Variants in RNF148 observed in about 807,000 individuals in gnomAD.
RNF148 encodes ring finger protein 148.
RNF148 carries 16 observed loss-of-function variants against 21.1 expected under a neutral mutation model. The ratio of observed to expected loss-of-function variants is 0.76; its 90% confidence interval spans 0.51 to 1.15. RNF148 has a LOEUF of 1.15. Among genes scored for constraint, RNF148 ranks in the 50% most tolerant of loss-of-function variants. RNF148 has a pLI of 0.00. For synonymous variants in RNF148, 150 were observed against 136.4 expected (o/e 1.10, Z -0.69); for missense variants, 424 against 374.2 (o/e 1.13, Z -1.10).
Position 122,702,424 on chromosome 7 carries a change from G to T in RNF148, c.327C>A (p.Gly109=). The part of the protein sequence containing the change: ...DSWLALIERG[G]CTFTHKINVA... ...CGTTGATTTTATGTGTAAAAGTACA[G>T]CCTCCACGTTCGATGAGGGCCAGCC... The change falls in exon 1 of 1, where the codon GGC becomes GGA. Residue 109 remains glycine, a synonymous_variant. Coordinates refer to ENST00000434824, the MANE Select transcript of RNF148 (RefSeq NM_198085.2). The T allele has an allele frequency of 6.2e-7, 1 of 1,613,730 alleles. No individual in the cohort carries two copies. The highest frequency in any genetic ancestry group is 1.1e-5 in the South Asian group (1 of 91,084).
Position 122,702,015 on chromosome 7 carries a change from CTTT to C in RNF148, c.733_735del (p.Lys245del). On this transcript the variant is annotated inframe_deletion, in exon 1 of 1. Coordinates refer to ENST00000434824, the MANE Select transcript of RNF148 (RefSeq NM_198085.2). ...TTTAGGTCTAATTCCTCATCCCCTT[CTTT>C]GAGAACTCGCAGTTGAAGCTGGTCA... 2 of 1,613,716 alleles carry C rather than the reference CTTT, an allele frequency of 1.2e-6. No homozygotes were observed. Among genetic ancestry groups the C allele is most frequent in the African/African-American group, 1.3e-5 (1 of 75,032 alleles).
Position 122,702,374 on chromosome 7 carries a change from C to G in RNF148, c.377G>C (p.Gly126Ala). 3 of 1,613,810 alleles carry G rather than the reference C, an allele frequency of 1.9e-6. No individual in the cohort carries two copies. The highest frequency in any genetic ancestry group is 2.5e-6 in the Non-Finnish European group (3 of 1,179,782). The change falls in exon 1 of 1, where the codon GGG becomes GCG. Residue 126 changes from glycine (G) to alanine (A), a missense_variant. Coordinates refer to ENST00000434824, the MANE Select transcript of RNF148 (RefSeq NM_198085.2). ...ACCTTGATAGTTGTAGATGATCACC[C>G]CATTTGCTCCCTTCTCTGCTGCCAC... ...INVAAEKGAN[G>A]VIIYNYQGTG... is the part of the protein sequence containing the mutation.
chr7:122,702,789 A>G lies in RNF148; in HGVS notation c.-39T>C, dbSNP rs2086375781. The G allele has an allele frequency of 7.0e-7, 1 of 1,423,000 alleles. No homozygotes were observed. The highest frequency in any genetic ancestry group is 9.5e-7 in the Non-Finnish European group (1 of 1,048,926). The allele number at this position is 1,423,000 out of a possible 1,614,324, so 88.1% of individuals were successfully genotyped here. ...TATTAAGAGACAAACATGAGAAAAC[A>G]AAACAACATCAGTTGTAGAAGAACA... On this transcript the variant is annotated 5_prime_UTR_variant, in exon 1 of 1. Coordinates refer to ENST00000434824, the MANE Select transcript of RNF148 (RefSeq NM_198085.2).
rs748795665 is a variant in RNF148 at position 122,701,843 on chromosome 7, A to C, written c.908T>G (p.Leu303Arg). The stretch of plus-strand genomic sequence containing the variant: ...AATTCTCCAGATTTCTTAAGTTTTC[A>C]GGATGTCACACTTGCACATGGGACA... ...RTCPMCKCDI[L>R]KT The change falls in exon 1 of 1, where the codon CTG becomes CGG. Residue 303 changes from leucine (L) to arginine (R), a missense_variant. Physicochemically the swap from Leu to Arg is moderately radical, Grantham distance 102. Transcript: ENST00000434824. 6.3e-7 allele frequency: 1 copy of C among 1,580,076 alleles called. No individual in the cohort carries two copies.
rs768729068 is a variant in RNF148 at position 122,702,780 on chromosome 7, T to G, written c.-30A>C. 2.7e-6 allele frequency: 4 copies of G among 1,485,204 alleles called. No homozygotes were observed. 92.0% of individuals were successfully genotyped at this position (1,485,204 alleles called of 1,614,324 possible). ...CCATTTGTCTATTAAGAGACAAACATGAGAAAACAAAACAACATCAGTTGT... is the reference window on the plus strand; with the variant it reads ...CCATTTGTCTATTAAGAGACAAACAGGAGAAAACAAAACAACATCAGTTGT... On this transcript the variant is annotated 5_prime_UTR_variant, in exon 1 of 1. The change abolishes an upstream ATG in the 5' untranslated region. Transcript: ENST00000434824.
Position 122,702,601 on chromosome 7 carries a change from A to G in RNF148, c.150T>C (p.Asn50=), listed in dbSNP as rs759880284. ...AHLNITFQVG[N]EITSELGESG... ...TCTCTCCTAATTCCGATGTGATCTCATTTCCAACCTGAAATGTTATATTCA... is the reference window on the plus strand; with the variant it reads ...TCTCTCCTAATTCCGATGTGATCTCGTTTCCAACCTGAAATGTTATATTCA... Residue 50 remains asparagine (N), a synonymous_variant, in exon 1 of 1, where the codon AAT becomes AAC. Coordinates refer to ENST00000434824, the MANE Select transcript of RNF148 (RefSeq NM_198085.2). The G allele has an allele frequency of 6.2e-7, 1 of 1,606,790 alleles. No individual in the cohort carries two copies. The highest frequency in any genetic ancestry group is 8.5e-7 in the Non-Finnish European group (1 of 1,173,534).
Position 122,702,502 on chromosome 7 carries a change from C to G in RNF148, c.249G>C (p.Gln83His). 1.2e-6 allele frequency: 2 copies of G among 1,613,654 alleles called. No homozygotes were observed. ...AATTGGTCAAAGGATGACAGGCATT[C>G]TGATTCCATCCTTCAGGAAGTGCCA... ...GVVALPEGWN[Q>H]NACHPLTNFS... is the part of the protein sequence containing the mutation. The change falls in exon 1 of 1, where the codon CAG (glutamine) becomes CAC (histidine). Residue 83 changes from glutamine to histidine, a missense_variant. Coordinates refer to ENST00000434824, the MANE Select transcript of RNF148 (RefSeq NM_198085.2).
At position 122,701,712 on chromosome 7, in the gene RNF148, T is replaced by C; in HGVS notation, c.*121A>G. The C allele has an allele frequency of 1.7e-6, 1 of 573,476 alleles. No individual in the cohort carries two copies. The highest frequency in any genetic ancestry group is 3.2e-5 in the South Asian group (1 of 31,284). The allele number at this position is 573,476 out of a possible 1,614,324, so 35.5% of individuals were successfully genotyped here. A position where few individuals can be genotyped will look rare whatever the true frequency, so the allele number is the denominator to read the frequency against. On this transcript the variant is annotated 3_prime_UTR_variant, in exon 1 of 1. Coordinates refer to ENST00000434824, the MANE Select transcript of RNF148 (RefSeq NM_198085.2). ...TATTTTTAAAACACAAATTTCACCC[T>C]TGTTCATACTTGGGTAGAGAAGCTG...
At position 122,701,747 on chromosome 7, in the gene RNF148, C is replaced by G; in HGVS notation, c.*86G>C. On this transcript the variant is annotated 3_prime_UTR_variant, in exon 1 of 1. Coordinates refer to ENST00000434824, the MANE Select transcript of RNF148 (RefSeq NM_198085.2). ...TTGGGTAGAGAAGCTGAAATTTTCT[C>G]TCTACATAAAGTACAATAAGACAAT... is the stretch of plus-strand genomic sequence containing the variant. 2 of 915,660 alleles carry G rather than the reference C, an allele frequency of 2.2e-6. No homozygotes were observed. The highest frequency in any genetic ancestry group is 3.3e-6 in the Non-Finnish European group (2 of 609,460). 56.7% of individuals were successfully genotyped at this position (915,660 alleles called of 1,614,324 possible). A position where few individuals can be genotyped will look rare whatever the true frequency, so the allele number is the denominator to read the frequency against.
rs2086396717 is a variant in RNF148, at chr7:122,702,888, C to A, written c.-138G>T. The A allele has an allele frequency of 4.8e-6, 3 of 621,708 alleles. No homozygotes were observed. The Admixed American group carries it at 9.3e-5, about 19-fold the overall frequency. 38.5% of individuals were successfully genotyped at this position (621,708 alleles called of 1,614,324 possible). Reference sequence around the variant, plus strand: ...AAAGGTCTCCCTGGATCAAAGCTATCTTGCTCCTTCCAGTATTTTAATATT... The same window carrying A: ...AAAGGTCTCCCTGGATCAAAGCTATATTGCTCCTTCCAGTATTTTAATATT... On this transcript the variant is annotated 5_prime_UTR_variant, in exon 1 of 1. Transcript: ENST00000434824.
At position 122,702,487 on chromosome 7, in the gene RNF148, AG is replaced by A; in HGVS notation, c.263del (p.Pro88LeufsTer2). 6.2e-7 allele frequency: 1 copy of A among 1,613,726 alleles called. No individual in the cohort carries two copies. Among genetic ancestry groups the A allele is most frequent in the Non-Finnish European group, 8.5e-7 (1 of 1,179,758 alleles). On this transcript the variant is annotated frameshift_variant, in exon 1 of 1. Transcript: ENST00000434824. LOFTEE classifies it high-confidence loss of function. ...GTTTGGGCCTGCTGAAATTGGTCAA[AG>A]GATGACAGGCATTCTGATTCCATCC... The part of the protein sequence containing the change: ...PEGWNQNACH[P>X]LTNFSRPKQA...
chr7:122,702,739 A>G lies in RNF148; in HGVS notation c.12T>C (p.Leu4=), dbSNP rs1487068701. Residue 4 remains leucine (L), a synonymous_variant, in exon 1 of 1, where the codon CTT becomes CTC. Coordinates refer to ENST00000434824, the MANE Select transcript of RNF148 (RefSeq NM_198085.2). MSF[L]RITPSTHSSV... ...AACTATGCGTCGAAGGGGTAATTCT[A>G]AGGAAGCTCATGCCTCCATTTGTCT... 3 of 1,600,544 alleles carry G rather than the reference A, an allele frequency of 1.9e-6. No homozygotes were observed. In the South Asian group the frequency reaches 3.4e-5, roughly 18 times the overall value.
In RNF148 at chr7:122,702,517, A is replaced by C. The variant is rs544596370; in HGVS notation, c.234T>G (p.Pro78=). ...LERVSGVVAL[P]EGWNQNACHP... Reference sequence around the variant, plus strand: ...GACAGGCATTCTGATTCCATCCTTCAGGAAGTGCCACCACACCAGACACCC... The same window carrying C: ...GACAGGCATTCTGATTCCATCCTTCCGGAAGTGCCACCACACCAGACACCC... Residue 78 remains proline (P), a synonymous_variant, in exon 1 of 1, where the codon CCT becomes CCG. Coordinates refer to ENST00000434824, the MANE Select transcript of RNF148 (RefSeq NM_198085.2). 49 of 1,613,650 alleles carry C rather than the reference A, an allele frequency of 3.0e-5. No homozygotes were observed. In the South Asian group the frequency reaches 4.4e-4, roughly 14 times the overall value.
chr7:122,702,015 C>G lies in RNF148; in HGVS notation c.736G>C (p.Glu246Gln). 6.2e-7 allele frequency: 1 copy of G among 1,613,716 alleles called. No homozygotes were observed. Among genetic ancestry groups the G allele is most frequent in the East Asian group, 2.2e-5 (1 of 44,870 alleles). ...TTTAGGTCTAATTCCTCATCCCCTT[C>G]TTTGAGAACTCGCAGTTGAAGCTGG... ...IDQLQLRVLK[E>Q]GDEELDLNED... The change falls in exon 1 of 1, where the codon GAA becomes CAA. Residue 246 changes from glutamate (E) to glutamine (Q), a missense_variant. Coordinates refer to ENST00000434824, the MANE Select transcript of RNF148 (RefSeq NM_198085.2).
rs773546954 is a variant in RNF148 at position 122,702,031 on chromosome 7, T to C, written c.720A>G (p.Gln240=). The change falls in exon 1 of 1, where the codon CAA becomes CAG. Residue 240 remains glutamine, a synonymous_variant. Coordinates refer to ENST00000434824, the MANE Select transcript of RNF148 (RefSeq NM_198085.2). ...TDVKKAIDQL[Q]LRVLKEGDEE... is the part of the protein sequence containing the mutation. ...CATCCCCTTCTTTGAGAACTCGCAG[T>C]TGAAGCTGGTCAATAGCTTTCTTCA... 4 of 1,613,690 alleles carry C rather than the reference T, an allele frequency of 2.5e-6. No individual in the cohort carries two copies. The highest frequency in any genetic ancestry group is 1.1e-5 in the South Asian group (1 of 91,086).
chr7:122,701,858 C>T lies in RNF148; in HGVS notation c.893G>A (p.Cys298Tyr), dbSNP rs773016168. The T allele has an allele frequency of 1.2e-6, 2 of 1,604,850 alleles. No individual in the cohort carries two copies. The highest frequency in any genetic ancestry group is 1.7e-5 in the Admixed American group (1 of 58,414). The change falls in exon 1 of 1, where the codon TGC becomes TAC. Residue 298 changes from cysteine to tyrosine, a missense_variant. Transcript: ENST00000434824. ...TTAAGTTTTCAGGATGTCACACTTGCACATGGGACATGTCCTATGGGCTAA... is the reference window on the plus strand; with the variant it reads ...TTAAGTTTTCAGGATGTCACACTTGTACATGGGACATGTCCTATGGGCTAA... ...WLLAHRTCPM[C>Y]KCDILKT
Position 122,702,488 on chromosome 7 carries a change from G to A in RNF148, c.263C>T (p.Pro88Leu), listed in dbSNP as rs745376356. 6 of 1,613,700 alleles carry A rather than the reference G, an allele frequency of 3.7e-6. No individual in the cohort carries two copies. The highest frequency in any genetic ancestry group is 3.3e-5 in the Admixed American group (2 of 59,960). Residue 88 changes from proline (P) to leucine (L), a missense_variant, in exon 1 of 1, where the codon CCT (proline) becomes CTT (leucine). Transcript: ENST00000434824. Reference protein sequence around the residue: ...PEGWNQNACHPLTNFSRPKQA... With the variant: ...PEGWNQNACHLLTNFSRPKQA... ...TTTGGGCCTGCTGAAATTGGTCAAA[G>A]GATGACAGGCATTCTGATTCCATCC...
chr7:122,702,549 G>C lies in RNF148; in HGVS notation c.202C>G (p.Leu68Val). ...GCCACCACACCAGACACCCTTTCCA[G>C]AGGAGAATGATTCCCGAACACTCCA... The part of the protein sequence containing the change: ...ESGVFGNHSP[L>V]ERVSGVVALP... Residue 68 changes from leucine (L) to valine (V), a missense_variant, in exon 1 of 1, where the codon CTG becomes GTG. Leu to Val is a conservative substitution (Grantham distance 32). Transcript: ENST00000434824. The C allele has an allele frequency of 6.2e-7, 1 of 1,613,520 alleles. No individual in the cohort carries two copies. The highest frequency in any genetic ancestry group is 8.5e-7 in the Non-Finnish European group (1 of 1,179,622).
In RNF148 at chr7:122,702,444, C is replaced by A. The variant is rs778251504; in HGVS notation, c.307G>T (p.Ala103Ser). The stretch of plus-strand genomic sequence containing the variant: ...GTACAGCCTCCACGTTCGATGAGGG[C>A]CAGCCATGAGTCTGCCTGTTTGGGC... ...SRPKQADSWL[A>S]LIERGGCTFT... The change falls in exon 1 of 1, where the codon GCC becomes TCC. Residue 103 changes from alanine (A) to serine (S), a missense_variant. Transcript: ENST00000434824. 85 of 1,613,650 alleles carry A rather than the reference C, an allele frequency of 5.3e-5. No individual in the cohort carries two copies. The highest frequency in any genetic ancestry group is 7.0e-5 in the Non-Finnish European group (83 of 1,179,756).
Sources: gnomAD v4.1 joint callset for allele counts on GRCh38, gnomAD v4.1.1 for gene constraint, MANE v1.5 for transcripts, NCBI Gene and HGNC (gene_info 2026-07-23, HGNC 2026-07-21) for gene names.